Variants in RALYL observed in about 807,000 individuals in gnomAD.
The protein encoded by RALYL is RALY RNA binding protein like, also known as RNA-binding Raly-like protein.
Under a neutral mutation model 35.1 loss-of-function variants are expected in RALYL, and 29 were observed. That is an observed-to-expected ratio of 0.83 (90% CI 0.61 to 1.13). The LOEUF is 1.13. Among genes scored for constraint, RALYL ranks in the 50% most tolerant of loss-of-function variants. The pLI is 0.00. For missense variants in RALYL, 359 were observed against 360.4 expected, an observed-to-expected ratio of 1.00 and a Z score of 0.03; for synonymous variants, 120 against 127.6, an observed-to-expected ratio of 0.94 and a Z score of 0.40.
At chr8:84,601,625 A>G (rs1176424154) in intron 2 of RALYL, among the ~76,000 whole-genome samples, 35 of 151,970 alleles carry the variant, frequency 2.3e-4, no homozygotes, top group Non-Finnish European at 4.4e-5. Flanking sequence ...AACATGAGAA[A>G]AAAAAAAAAG....
At chr8:84,525,553 A>G (rs1587983231) in intron 1 of RALYL, among the ~76,000 whole-genome samples, 1 of 152,028 alleles carries the variant, frequency 6.6e-6, no homozygotes. Context: ...TATTTTGGCC[A>G]TTAATTTTCT....
chr8:84,516,548 T>A (rs1489426448), intron 1 of RALYL, among the ~76,000 whole-genome samples: 2 of 152,148 alleles, frequency 1.3e-5, no homozygotes, highest in Non-Finnish European at 2.9e-5. Flanking sequence ...TTTGAAACTC[T>A]TTGGTGACAA....
At chr8:84,897,887 A>C (rs1438056085) in intron 8 of RALYL, among the ~76,000 whole-genome samples, 1 of 152,228 alleles carries the variant, frequency 6.6e-6, no homozygotes, top group Non-Finnish European at 1.5e-5. Context: ...AGAACAAATA[A>C]GTAAAACAGT....
At chr8:84,251,183 T>G (rs1830131931) in intron 1 of RALYL, among the ~76,000 whole-genome samples, 1 of 152,098 alleles carries the variant, frequency 6.6e-6, no homozygotes, top group East Asian at 1.9e-4. Context: ...TTTACATAAT[T>G]AAGAAAACCG....
At chr8:84,749,609 G>A (rs1215870809) in intron 2 of RALYL, among the ~76,000 whole-genome samples, 4 of 152,116 alleles carry the variant, frequency 2.6e-5, no homozygotes, top group Non-Finnish European at 5.9e-5. Context: ...GAATGAGTCA[G>A]ACAAAAATCC....
intron 2 of RALYL, among the ~76,000 whole-genome samples, chr8:84,651,006 G>A (rs1828683506): frequency 6.6e-6 from 1 of 151,880 alleles, no homozygotes; most frequent in Non-Finnish European, 1.5e-5. Flanking sequence ...TCACTCATAG[G>A]TGGGAATTGA....
intron 2 of RALYL, among the ~76,000 whole-genome samples, chr8:84,595,105 G>A (rs539135493): frequency 5.9e-5 from 9 of 152,110 alleles, no homozygotes; most frequent in Non-Finnish European, 1.3e-4. Flanking sequence ...TAAATACTGA[G>A]TCACCCTTAG....
intron 3 of RALYL, among the ~76,000 whole-genome samples, chr8:84,781,891 T>C (rs1349439637): frequency 6.6e-6 from 1 of 152,188 alleles, no homozygotes; most frequent in African/African-American, 2.4e-5. Context: ...TGAATATGTG[T>C]GAGAAGAAAC....
chr8:84,766,521 A>G (rs1012356460), intron 2 of RALYL, among the ~76,000 whole-genome samples: 3 of 133,700 alleles, frequency 2.2e-5, no homozygotes, highest in Non-Finnish European at 4.8e-5. Flanking sequence ...GTGAAACCCC[A>G]TCTCTACTAA....
rs182003958 is a variant in RALYL, at chr8:84,456,786, A to C, written c.-23-72513A>C. On this transcript the variant is annotated intron_variant, in intron 1 of 8. Transcript: ENST00000521268. ...AGGAAGTTTCAGCCTACATTACATC[A>C]TCTTAGAATAAGTACAATTACATCA... Among the ~76,000 whole-genome samples, 103 of 152,114 alleles carry C rather than the reference A, an allele frequency of 6.8e-4. 2 individuals carry two copies. Among genetic ancestry groups the C allele is most frequent in the Admixed American group, 3.8e-3 (58 of 15,244 alleles).
chr8:84,397,725 C>A (rs1330661566), intron 1 of RALYL, among the ~76,000 whole-genome samples: 2 of 152,202 alleles, frequency 1.3e-5, no homozygotes, highest in Non-Finnish European at 2.9e-5. Context: ...AACTGTCACA[C>A]ATTCAAAGAG....
At chr8:84,651,423 T>G (rs1403770479) in intron 2 of RALYL, among the ~76,000 whole-genome samples, 1 of 151,846 alleles carries the variant, frequency 6.6e-6, no homozygotes, top group African/African-American at 2.4e-5. Flanking sequence ...AAAATACTTA[T>G]GACTAAATTC....
chr8:84,597,143 G>A (rs1477286453), intron 2 of RALYL, among the ~76,000 whole-genome samples: 4 of 152,074 alleles, frequency 2.6e-5, no homozygotes, highest in African/African-American at 9.7e-5. Flanking sequence ...ACAAAAGCAA[G>A]AAGAACAGGC....
rs1385675940 is a variant in RALYL at position 84,428,144 on chromosome 8, G to A, written c.-23-101155G>A. ...CACACACACACACACACACACACAC[G>A]TGGTTCAATATATTTTAAGTTTATA... On this transcript the variant is annotated intron_variant, in intron 1 of 8. Transcript: ENST00000521268. Among the ~76,000 whole-genome samples the A allele has an allele frequency of 5.8e-5, 7 of 120,548 alleles. No individual in the cohort carries two copies. The South Asian group carries it at 1.2e-3, about 20-fold the overall frequency. The allele number at this position is 120,548 out of a possible 152,430, so 79.1% of individuals were successfully genotyped here.
intron 2 of RALYL, among the ~76,000 whole-genome samples, chr8:84,684,768 T>C (rs1836393262): frequency 1.3e-5 from 2 of 152,206 alleles, no homozygotes; most frequent in Non-Finnish European, 2.9e-5. Flanking sequence ...ACATGGCATA[T>C]ATGCATACCT....
At chr8:84,616,748 C>G (rs1319724026) in intron 2 of RALYL, among the ~76,000 whole-genome samples, 1 of 151,406 alleles carries the variant, frequency 6.6e-6, no homozygotes, top group Admixed American at 6.6e-5. Context: ...GTCTTTAATC[C>G]ATCTTGAATT....
chr8:84,564,446 T>G (rs945151992), intron 2 of RALYL, among the ~76,000 whole-genome samples: 6 of 151,822 alleles, frequency 4.0e-5, no homozygotes, highest in African/African-American at 7.2e-5. Flanking sequence ...CTTCCCAAGC[T>G]TATAACCTGC....
intron 1 of RALYL, among the ~76,000 whole-genome samples, chr8:84,351,617 T>C (rs1214081930): frequency 2.0e-5 from 3 of 149,744 alleles, no homozygotes; most frequent in African/African-American, 7.5e-5. Context: ...TCTCCCATAT[T>C]GTTAATTCGA....
At chr8:84,608,643 AG>A (rs2130847624) in intron 2 of RALYL, among the ~76,000 whole-genome samples, 1 of 152,214 alleles carries the variant, frequency 6.6e-6, no homozygotes, top group South Asian at 2.1e-4. Flanking sequence ...TTAAACTATT[AG>A]GATAAAGTGT....
Sources: gnomAD v4.1 joint callset for allele counts (sites outside exome capture counted in the v4.1 genomes callset) on GRCh38, gnomAD v4.1.1 for gene constraint, MANE v1.5 for transcripts, NCBI Gene and HGNC (gene_info 2026-07-23, HGNC 2026-07-21) for gene names.